Variants in GRIN2A observed in about 807,000 individuals in gnomAD.
GRIN2A encodes the protein glutamate receptor ionotropic, NMDA 2A.
In GRIN2A, 22 loss-of-function variants were observed where a neutral mutation model predicts 113.4. The observed-to-expected ratio is 0.19, with a 90% CI of 0.14 to 0.28. The LOEUF (loss-of-function observed/expected upper bound fraction) is 0.28, where lower values mean the gene tolerates loss of function less well. GRIN2A is among the 10% of genes least tolerant of loss of function. The pLI is 1.00. For missense variants in GRIN2A, 1,502 were observed against 1,887.0 expected (o/e 0.80, Z 3.78); for synonymous variants, 827 against 738.4 (o/e 1.12, Z -1.94).
At chr16:10,052,552 G>A (rs1357350521) in intron 2 of GRIN2A, among the ~76,000 whole-genome samples, 1 of 152,156 alleles carries the variant, frequency 6.6e-6, no homozygotes, top group Non-Finnish European at 1.5e-5. Context: ...GAGAGGGGTG[G>A]GCTAAGATAT....
At chr16:10,111,438 C>G (rs567951437) in intron 2 of GRIN2A, 1 of 565,282 alleles carries the variant, frequency 1.8e-6, no homozygotes, top group Admixed American at 2.5e-5. Flanking sequence ...ACTGGCTCAC[C>G]GTGCAGCAGC....
intron 11 of GRIN2A, 104 bp downstream of exon 11, chr16:9,798,173 G>T (rs1270278416): frequency 4.4e-6 from 4 of 905,594 alleles, no homozygotes; most frequent in Non-Finnish European, 7.2e-6. Flanking sequence ...TATTTTTAGG[G>T]AGCAAACTCA....
chr16:10,036,063 C>A (rs1351128367), intron 2 of GRIN2A, among the ~76,000 whole-genome samples: 1 of 152,178 alleles, frequency 6.6e-6, no homozygotes, highest in African/African-American at 2.4e-5. Flanking sequence ...TCCTTTCTGC[C>A]TACTGCTTTC....
intron 2 of GRIN2A, among the ~76,000 whole-genome samples, chr16:10,099,479 G>T (rs1023000508): frequency 8.1e-6 from 1 of 123,468 alleles, no homozygotes; most frequent in Non-Finnish European, 1.8e-5. Context: ...TCCCTCCCTT[G>T]CACCCCCTTC....
chr16:10,179,167 CTCAT>C (rs2050209616), intron 2 of GRIN2A, among the ~76,000 whole-genome samples: 1 of 152,198 alleles, frequency 6.6e-6, no homozygotes, highest in South Asian at 2.1e-4. Flanking sequence ...GACCCTCCCT[CTCAT>C]TCAGAGCCAA....
At chr16:9,788,979 T>C (rs1902422506) in intron 11 of GRIN2A, among the ~76,000 whole-genome samples, 1 of 152,116 alleles carries the variant, frequency 6.6e-6, no homozygotes, top group Non-Finnish European at 1.5e-5. Context: ...CCTGACCTCG[T>C]GATCCACCCT....
chr16:9,852,177 A>T (rs966426766), intron 4 of GRIN2A, among the ~76,000 whole-genome samples: 3 of 152,236 alleles, frequency 2.0e-5, no homozygotes, highest in Admixed American at 6.5e-5. Flanking sequence ...CAGAGAGGTT[A>T]TGTGACTTGC....
chr16:10,043,992 T>C (rs1413496907), intron 2 of GRIN2A, among the ~76,000 whole-genome samples: 2 of 81,500 alleles, frequency 2.5e-5, no homozygotes, highest in African/African-American at 1.1e-4. Context: ...TACACATACG[T>C]GTGTGTGTGT....
At chr16:9,848,604 T>C (rs1005952030) in intron 5 of GRIN2A, among the ~76,000 whole-genome samples, 6 of 148,808 alleles carry the variant, frequency 4.0e-5, no homozygotes, top group African/African-American at 1.5e-4. Flanking sequence ...TATAAAAATA[T>C]ATGATCTTTT....
chr16:9,786,845 A>G (rs1232172767), intron 11 of GRIN2A, among the ~76,000 whole-genome samples: 1 of 152,200 alleles, frequency 6.6e-6, no homozygotes, highest in Non-Finnish European at 1.5e-5. Flanking sequence ...CCATTTAGTC[A>G]TTGTGAGGGG....
At chr16:9,882,491 CA>C (rs1567369678) in intron 4 of GRIN2A, among the ~76,000 whole-genome samples, 1 of 152,038 alleles carries the variant, frequency 6.6e-6, no homozygotes, top group East Asian at 1.9e-4. Flanking sequence ...TACTGTAGAC[CA>C]AAAAATAGAA....
In GRIN2A at chr16:9,762,167, C is replaced by A. The variant is rs951975486; in HGVS notation, c.*982G>T. On this transcript the variant is annotated 3_prime_UTR_variant, in exon 13 of 13. Coordinates refer to ENST00000330684, the MANE Select transcript of GRIN2A (RefSeq NM_001134407.3). Reference sequence around the variant, plus strand: ...AGAGCGATACACAGCTAATTGGACACCACCATGGCTGTTTGGAAACGGAAC... The same window carrying A: ...AGAGCGATACACAGCTAATTGGACAACACCATGGCTGTTTGGAAACGGAAC... The A allele has an allele frequency of 9.1e-6, 2 of 218,708 alleles. No homozygotes were observed. Among genetic ancestry groups the A allele is most frequent in the African/African-American group, 2.2e-5 (1 of 44,550 alleles). 13.5% of individuals were successfully genotyped at this position (218,708 alleles called of 1,614,324 possible).
At chr16:9,966,568 A>G (rs1294751586) in intron 2 of GRIN2A, among the ~76,000 whole-genome samples, 1 of 152,242 alleles carries the variant, frequency 6.6e-6, no homozygotes, top group African/African-American at 2.4e-5. Context: ...TATTGTGAAC[A>G]GTCCTGCAAG....
At chr16:10,014,427 T>G (rs2046565287) in intron 2 of GRIN2A, among the ~76,000 whole-genome samples, 1 of 152,198 alleles carries the variant, frequency 6.6e-6, no homozygotes, top group Admixed American at 6.5e-5. Flanking sequence ...ATGTACACAT[T>G]TCTTAGAAAA....
chr16:10,136,456 T>A (rs2049192801), intron 2 of GRIN2A, among the ~76,000 whole-genome samples: 1 of 152,100 alleles, frequency 6.6e-6, no homozygotes. Flanking sequence ...AATAGCCAAT[T>A]TAGGATGCAA....
intron 7 of GRIN2A, among the ~76,000 whole-genome samples, chr16:9,837,460 C>T (rs998528123): frequency 9.2e-5 from 14 of 152,134 alleles, no homozygotes; most frequent in African/African-American, 1.7e-4. Flanking sequence ...TCAATATTCA[C>T]GACCCATTTT....
At chr16:9,772,822 G>C (rs1399511478) in intron 11 of GRIN2A, among the ~76,000 whole-genome samples, 1 of 146,052 alleles carries the variant, frequency 6.8e-6, no homozygotes, top group Non-Finnish European at 1.5e-5. Flanking sequence ...ACATCATCTC[G>C]ATTCTTTTCA....
At chr16:9,931,180 C>A (rs1479660320) in intron 3 of GRIN2A, among the ~76,000 whole-genome samples, 1 of 151,968 alleles carries the variant, frequency 6.6e-6, no homozygotes, top group African/African-American at 2.4e-5. Context: ...ACTTCCCTAA[C>A]TAAAATGGGA....
At chr16:9,937,699 G>A (rs1279969668) in intron 3 of GRIN2A, 46 of 504,558 alleles carry the variant, frequency 9.1e-5, no homozygotes, top group South Asian at 7.7e-4. Flanking sequence ...CAGACAGATC[G>A]ATCAATCCCA....
Sources: gnomAD v4.1 joint callset for allele counts (sites outside exome capture counted in the v4.1 genomes callset) on GRCh38, gnomAD v4.1.1 for gene constraint, MANE v1.5 for transcripts, NCBI Gene and HGNC (gene_info 2026-07-23, HGNC 2026-07-21) for gene names.